Variants in NRXN1 observed in about 807,000 individuals in gnomAD.
NRXN1 encodes the protein neurexin-1.
NRXN1 carries 39 observed loss-of-function variants against 150.9 expected under a neutral mutation model. The observed-to-expected ratio is 0.26, with a 90% CI of 0.20 to 0.34. The LOEUF (loss-of-function observed/expected upper bound fraction) is 0.34, where lower values mean the gene tolerates loss of function less well. Among genes scored for constraint, NRXN1 ranks in the 10% least tolerant of loss-of-function variants. The pLI is 1.00. For synonymous variants in NRXN1, 924 were observed against 757.0 expected, an observed-to-expected ratio of 1.22 and a Z score of -3.62; for missense variants, 1,815 against 1,949.9, an observed-to-expected ratio of 0.93 and a Z score of 1.30.
intron 5 of NRXN1, among the ~76,000 whole-genome samples, chr2:50,650,837 C>A (rs1430065894): frequency 1.3e-5 from 2 of 151,992 alleles, no homozygotes; most frequent in Non-Finnish European, 2.9e-5. Flanking sequence ...ACAAAGTGAT[C>A]TTTAGCACTG....
At chr2:50,282,762 AT>A (rs1271534279) in intron 17 of NRXN1, among the ~76,000 whole-genome samples, 5 of 152,024 alleles carry the variant, frequency 3.3e-5, no homozygotes, top group Non-Finnish European at 7.4e-5. Flanking sequence ...CCAAGTTAAA[AT>A]TTTTTTCCAC....
intron 15 of NRXN1, 124 bp from the exon 16 acceptor site, chr2:50,472,595 T>A: frequency 2.9e-6 from 2 of 699,090 alleles, no homozygotes; most frequent in Non-Finnish European, 4.5e-6. Context: ...AATTTATGAC[T>A]AGCTGTTTTC....
At chr2:50,131,247 A>C (rs1003042026) in intron 18 of NRXN1, among the ~76,000 whole-genome samples, 1 of 152,220 alleles carries the variant, frequency 6.6e-6, no homozygotes, top group South Asian at 2.1e-4. Flanking sequence ...TTAATTAATC[A>C]TTAACACCTT....
chr2:50,496,964 T>C (rs957592976), intron 14 of NRXN1, among the ~76,000 whole-genome samples: 4 of 152,210 alleles, frequency 2.6e-5, no homozygotes, highest in African/African-American at 9.7e-5. Context: ...ATCTGAGTAC[T>C]TGAATTAGCT....
At chr2:50,091,001 C>T (rs774850968) in intron 19 of NRXN1, among the ~76,000 whole-genome samples, 2 of 152,070 alleles carry the variant, frequency 1.3e-5, no homozygotes, top group Non-Finnish European at 2.9e-5. Context: ...TTTGACAAAG[C>T]CTTTCCTTTG....
chr2:50,681,288 A>AT (rs1303908166), intron 5 of NRXN1, among the ~76,000 whole-genome samples: 1 of 152,224 alleles, frequency 6.6e-6, no homozygotes, highest in African/African-American at 2.4e-5. Flanking sequence ...AGAAGCACAG[A>AT]TTATTTGCTC....
chr2:50,297,087 C>T lies in NRXN1; in HGVS notation c.3365-60117G>A, dbSNP rs571126119. Among the ~76,000 whole-genome samples the T allele has an allele frequency of 3.8e-3, 575 of 151,348 alleles. 1 individual carries two copies. Among genetic ancestry groups the T allele is most frequent in the African/African-American group, 0.013 (546 of 41,240 alleles). On this transcript the variant is annotated intron_variant, in intron 17 of 22. Transcript: ENST00000401669. The stretch of plus-strand genomic sequence containing the variant: ...TTTATTTTTTAGTAGAGATGGGTTT[C>T]ACCATAATGGTCAGGCTGGTCTCAA...
intron 17 of NRXN1, among the ~76,000 whole-genome samples, chr2:50,453,607 G>T (rs532893874): frequency 2.6e-5 from 4 of 152,186 alleles, no homozygotes; most frequent in Admixed American, 2.6e-4. Context: ...CTTGTTCTTG[G>T]TACGGTTGCA....
chr2:50,625,859 T>C (rs1680932876), intron 5 of NRXN1, among the ~76,000 whole-genome samples: 1 of 152,074 alleles, frequency 6.6e-6, no homozygotes, highest in Non-Finnish European at 1.5e-5. Flanking sequence ...AAATAGTCAA[T>C]GTCTTCCTGC....
chr2:50,035,509 T>C (rs1689894492), intron 21 of NRXN1, among the ~76,000 whole-genome samples: 1 of 152,130 alleles, frequency 6.6e-6, no homozygotes, highest in Non-Finnish European at 1.5e-5. Context: ...ATTCTGGAGC[T>C]ATATTGCAAT....
intron 9 of NRXN1, among the ~76,000 whole-genome samples, chr2:50,542,357 C>T (rs2093411135): frequency 6.6e-6 from 1 of 151,982 alleles, no homozygotes; most frequent in Admixed American, 6.6e-5. Context: ...GGGATATAAT[C>T]CTACCTTTAA....
chr2:50,969,777 G>A (rs919987474), intron 2 of NRXN1, among the ~76,000 whole-genome samples: 5 of 152,102 alleles, frequency 3.3e-5, no homozygotes, highest in Non-Finnish European at 7.4e-5. Context: ...GAGAACCTCA[G>A]AAGGTTTGCT....
chr2:49,981,064 G>A (rs1435963705), intron 21 of NRXN1, among the ~76,000 whole-genome samples: 1 of 152,096 alleles, frequency 6.6e-6, no homozygotes, highest in African/African-American at 2.4e-5. Context: ...GATTAGTGGT[G>A]CCAAAACATG....
chr2:50,115,147 T>C (rs1468414245), intron 18 of NRXN1, among the ~76,000 whole-genome samples: 1 of 131,052 alleles, frequency 7.6e-6, no homozygotes, highest in Non-Finnish European at 1.6e-5. Context: ...TTTCGCTCAA[T>C]TTTTTTTTTT....
intron 17 of NRXN1, among the ~76,000 whole-genome samples, chr2:50,330,278 GT>G (rs1266926991): frequency 9.2e-5 from 14 of 151,834 alleles, no homozygotes; most frequent in Non-Finnish European, 1.5e-4. Context: ...TTCTATTTTC[GT>G]TCTCAAACTT....
rs911671412 is a variant in NRXN1, at chr2:50,844,990, A to G, written c.832+76879T>C. Among the ~76,000 whole-genome samples the G allele has an allele frequency of 2.6e-5, 4 of 152,128 alleles. No homozygotes were observed. The East Asian group carries it at 7.7e-4, about 29-fold the overall frequency. On this transcript the variant is annotated intron_variant, in intron 5 of 22. Coordinates refer to ENST00000401669, the MANE Select transcript of NRXN1 (RefSeq NM_001330078.2). The stretch of plus-strand genomic sequence containing the variant: ...CACCTCAGCCTCTCAAGTAGCTGGG[A>G]CCACAGGTGCACATCATCTCACCTA...
chr2:50,142,369 G>A lies in NRXN1; in HGVS notation c.3547-50875C>T, dbSNP rs569992715. ...AGGGGGTATAAACATACAGTTAGAT[G>A]GAAGAAATATGTTCTAATGTTTGAT... is the stretch of plus-strand genomic sequence containing the variant. On this transcript the variant is annotated intron_variant, in intron 18 of 22. Transcript: ENST00000401669. Among the ~76,000 whole-genome samples the A allele has an allele frequency of 2.6e-3, 389 of 151,802 alleles. 4 individuals carry two copies. Among genetic ancestry groups the A allele is most frequent in the African/African-American group, 9.0e-3 (375 of 41,462 alleles).
At chr2:50,233,079 G>T (rs2065102024) in intron 18 of NRXN1, among the ~76,000 whole-genome samples, 1 of 152,032 alleles carries the variant, frequency 6.6e-6, no homozygotes, top group Non-Finnish European at 1.5e-5. Context: ...AATAATTGAA[G>T]ATCTACACTC....
chr2:50,624,940 C>T (rs1472521453), intron 5 of NRXN1: 3 of 151,942 alleles, frequency 2.0e-5, no homozygotes, highest in Non-Finnish European at 4.4e-5. Flanking sequence ...AGCCATAAGA[C>T]CCCTTGACTT....
Sources: allele counts gnomAD v4.1 joint callset (sites outside exome capture counted in the v4.1 genomes callset), GRCh38; gene constraint gnomAD v4.1.1; transcripts MANE v1.5; gene names NCBI Gene and HGNC (gene_info 2026-07-23, HGNC 2026-07-21).